Variants in PARD3B observed in about 807,000 individuals in gnomAD.
PARD3B encodes the protein partitioning defective 3 homolog B.
Under a neutral mutation model 130.2 loss-of-function variants are expected in PARD3B, and 103 were observed. That is an observed-to-expected ratio of 0.79 (90% CI 0.67 to 0.93). The LOEUF is 0.93. PARD3B is among the 40% of genes least tolerant of loss of function. The pLI is 0.00. For missense variants in PARD3B, 1,609 were observed against 1,499.2 expected (o/e 1.07, Z -1.21); for synonymous variants, 583 against 553.2 (o/e 1.05, Z -0.76).
intron 2 of PARD3B, among the ~76,000 whole-genome samples, chr2:204,901,007 T>TG (rs71032414): frequency 0.2 from 30,802 of 151,908 alleles, 3,691 homozygotes; most frequent in Non-Finnish European, 0.27. Context: ...TTCCTGGAGC[T>TG]GGGGGGAGGG....
At chr2:204,970,233 C>T (rs1488379106) in intron 3 of PARD3B, among the ~76,000 whole-genome samples, 1 of 152,186 alleles carries the variant, frequency 6.6e-6, no homozygotes, top group Non-Finnish European at 1.5e-5. Context: ...CCAACCCAAT[C>T]TTTGTCCCTT....
Position 204,678,956 on chromosome 2 carries a change from C to T in PARD3B, c.121-7225C>T, listed in dbSNP as rs1168687094. On this transcript the variant is annotated intron_variant, in intron 1 of 22. Transcript: ENST00000406610. This position sits in a 1 kb window ranked among gnomAD's most constrained non-coding sequence, Gnocchi z 4.2. ...CTTCATGCCTCTTTCTACTCACCAC[C>T]CTTCCCCCTCACAAGGAGTAACCAG... 6.6e-6 allele frequency among the ~76,000 whole-genome samples: 1 copy of T among 152,128 alleles called. No individual in the cohort carries two copies. The highest frequency in any genetic ancestry group is 2.4e-5 in the African/African-American group (1 of 41,438).
chr2:205,127,527 G>A (rs2031580273), intron 10 of PARD3B, among the ~76,000 whole-genome samples: 2 of 152,116 alleles, frequency 1.3e-5, no homozygotes, highest in Admixed American at 6.6e-5. Flanking sequence ...AGAAATTTTA[G>A]GAGACATGAC....
Position 205,241,593 on chromosome 2 carries a change from A to G in PARD3B, c.2141-4185A>G, listed in dbSNP as rs1339521522. On this transcript the variant is annotated intron_variant, in intron 15 of 22. Transcript: ENST00000406610. This position sits in a 1 kb window ranked among gnomAD's most constrained non-coding sequence, Gnocchi z 4.2. ...AAATACAAATACTTTTTTAAAAAAG[A>G]AAGAAGAAAGAAAAGGAGAAAAAAT... 6.6e-6 allele frequency among the ~76,000 whole-genome samples: 1 copy of G among 152,166 alleles called. No individual in the cohort carries two copies. Among genetic ancestry groups the G allele is most frequent in the African/African-American group, 2.4e-5 (1 of 41,468 alleles).
chr2:204,685,127 G>A (rs1474720862), intron 1 of PARD3B, among the ~76,000 whole-genome samples: 1 of 152,104 alleles, frequency 6.6e-6, no homozygotes, highest in Non-Finnish European at 1.5e-5. Context: ...AATTCCGTGG[G>A]TTATATTAGT....
chr2:205,520,569 CATGCT>C (rs2051000013), intron 21 of PARD3B, among the ~76,000 whole-genome samples: 1 of 152,106 alleles, frequency 6.6e-6, no homozygotes, highest in African/African-American at 2.4e-5. Flanking sequence ...TAAATTAATA[CATGCT>C]CTAAAATGCT....
intron 2 of PARD3B, among the ~76,000 whole-genome samples, chr2:204,688,362 G>A (rs1268404200): frequency 1.3e-5 from 2 of 151,866 alleles, no homozygotes; most frequent in African/African-American, 2.4e-5. Context: ...GGTGGATCAC[G>A]AGGTCAGGAG....
chr2:205,514,581 T>TATAG (rs71933636), intron 21 of PARD3B, among the ~76,000 whole-genome samples: 62,636 of 147,414 alleles, frequency 0.42, 13,412 homozygotes, highest in Admixed American at 0.54. Flanking sequence ...TACATATCAA[T>TATAG]ACAGATAGAT....
intron 1 of PARD3B, among the ~76,000 whole-genome samples, chr2:204,679,337 G>A (rs887180851): frequency 1.3e-5 from 2 of 152,188 alleles, no homozygotes; most frequent in African/African-American, 4.8e-5. Flanking sequence ...ATACCCAGAA[G>A]TGGAATTGCT....
intron 18 of PARD3B, among the ~76,000 whole-genome samples, chr2:205,363,002 G>A (rs1002089180): frequency 4.6e-5 from 7 of 151,990 alleles, no homozygotes; most frequent in South Asian, 2.1e-4. Context: ...CAAGTGCTGC[G>A]ACTGGGGGAG....
At chr2:204,755,708 C>T (rs988723090) in intron 2 of PARD3B, among the ~76,000 whole-genome samples, 4 of 151,396 alleles carry the variant, frequency 2.6e-5, no homozygotes, top group Non-Finnish European at 5.9e-5. Context: ...ATTCAACATA[C>T]ATTTTTTCAG....
intron 18 of PARD3B, among the ~76,000 whole-genome samples, chr2:205,380,950 T>TAAATAATATATATAATATATAAAG (rs529607774): frequency 1.2e-5 from 1 of 81,854 alleles, no homozygotes; most frequent in African/African-American, 6.2e-5. Flanking sequence ...ATATAATATA[T>TAAATAATATATATAATATATAAAG]AATGTATATA....
rs993116363 is a variant in PARD3B at position 204,751,243 on chromosome 2, A to T, written c.222+64961A>T. Among the ~76,000 whole-genome samples, 5 of 152,204 alleles carry T rather than the reference A, an allele frequency of 3.3e-5. No individual in the cohort carries two copies. In the East Asian group the frequency reaches 9.6e-4, roughly 29 times the overall value. ...TTGAGATGATTGGAAATCTTAATGG[A>T]GGCAAATGGAGCCATATCCAGGCTT... On this transcript the variant is annotated intron_variant, in intron 2 of 22. Transcript: ENST00000406610.
rs2048512152 is a variant in PARD3B, at chr2:205,463,281, A to G, written c.3044+22609A>G. The stretch of plus-strand genomic sequence containing the variant: ...ATCCAAATTATCATTGCAAGAGTGC[A>G]CTCAGTTAGGGGAACTCAGCTGAGG... On this transcript the variant is annotated intron_variant, in intron 20 of 22. Coordinates refer to ENST00000406610, the MANE Select transcript of PARD3B (RefSeq NM_001302769.2). This position sits in a 1 kb window ranked among gnomAD's most constrained non-coding sequence, Gnocchi z 4.8. 6.6e-6 allele frequency among the ~76,000 whole-genome samples: 1 copy of G among 152,184 alleles called. No individual in the cohort carries two copies. The highest frequency in any genetic ancestry group is 2.1e-4 in the South Asian group (1 of 4,814).
rs2033380868 is a variant in PARD3B at position 205,146,617 on chromosome 2, C to CTCCA, written c.1435-12104_1435-12101dup. Among the ~76,000 whole-genome samples, 1 of 151,880 alleles carries CTCCA rather than the reference C, an allele frequency of 6.6e-6. No homozygotes were observed. On this transcript the variant is annotated intron_variant, in intron 10 of 22. Transcript: ENST00000406610. The surrounding 1 kb of genome is among the most constrained non-coding windows in gnomAD (Gnocchi z 4.3). ...AGTGAGCCGAGATAGCGCCACTGCA[C>CTCCA]TCCAGCCTGGGCGACAGAGCGAGAC...
chr2:205,273,862 TA>T (rs2040837521), intron 16 of PARD3B, among the ~76,000 whole-genome samples: 2 of 152,228 alleles, frequency 1.3e-5, no homozygotes, highest in Admixed American at 1.3e-4. Flanking sequence ...GTAAGTTATC[TA>T]TGATCTTGAA....
chr2:204,664,615 C>T lies in PARD3B; in HGVS notation c.121-21566C>T, dbSNP rs138655316. On this transcript the variant is annotated intron_variant, in intron 1 of 22. Transcript: ENST00000406610. The surrounding 1 kb of genome is among the most constrained non-coding windows in gnomAD (Gnocchi z 5.2). ...TGGATCCTGGGTTTTAAGGAAATTT[C>T]CTTTTAAGCACATTTTGGCTCTGGT... Among the ~76,000 whole-genome samples, 61 of 152,218 alleles carry T rather than the reference C, an allele frequency of 4.0e-4. No homozygotes were observed. Among genetic ancestry groups the T allele is most frequent in the African/African-American group, 1.4e-3 (60 of 41,526 alleles).
At chr2:205,393,331 C>G (rs938334287) in intron 18 of PARD3B, among the ~76,000 whole-genome samples, 17 of 152,138 alleles carry the variant, frequency 1.1e-4, no homozygotes, top group African/African-American at 4.1e-4. Context: ...AGCTATCATG[C>G]CTAGTTTGTA....
chr2:205,042,994 C>G (rs886783421), intron 3 of PARD3B, among the ~76,000 whole-genome samples: 4 of 151,612 alleles, frequency 2.6e-5, no homozygotes, highest in African/African-American at 7.3e-5. Context: ...TTCTAAGGAA[C>G]ATTGTTGTTC....
Sources: gnomAD v4.1 joint callset for allele counts (sites outside exome capture counted in the v4.1 genomes callset) on GRCh38, gnomAD v4.1.1 for gene constraint, Gnocchi (gnomAD v3.1) non-coding constraint, MANE v1.5 for transcripts, NCBI Gene and HGNC (gene_info 2026-07-23, HGNC 2026-07-21) for gene names.